Variants in DPF1 observed in about 807,000 individuals in gnomAD.
DPF1 encodes the protein double PHD fingers 1, also known as zinc finger protein neuro-d4.
DPF1 carries 14 observed loss-of-function variants against 58.7 expected under a neutral mutation model. That is an observed-to-expected ratio of 0.24 (90% CI 0.16 to 0.37). The LOEUF (loss-of-function observed/expected upper bound fraction) is 0.37, where lower values mean the gene tolerates loss of function less well. Ranked by LOEUF, DPF1 falls within the 10% of genes least tolerant of loss-of-function variation. DPF1 has a pLI of 1.00. For missense variants in DPF1, 345 were observed against 529.9 expected (o/e 0.65, Z 3.43); for synonymous variants, 216 against 216.0 (o/e 1.00, Z 0.00).
upstream of DPF1, among the ~76,000 whole-genome samples, chr19:38,224,478 T>C (rs1967730671): frequency 6.6e-6 from 1 of 152,028 alleles, no homozygotes; most frequent in Non-Finnish European, 1.5e-5. The surrounding 1 kb of genome is among the most constrained non-coding windows in gnomAD (Gnocchi z 4.5). Flanking sequence ...CATGGCAGTT[T>C]ACACACACAT....
upstream of DPF1, among the ~76,000 whole-genome samples, chr19:38,226,991 T>TCC: frequency 7.4e-6 from 1 of 135,962 alleles, no homozygotes; most frequent in South Asian, 2.4e-4. Flanking sequence ...TTCTTTTATT[T>TCC]CTCTTCCTTC....
chr19:38,223,948 T>C, intron 1 of DPF1, 166 bp downstream of exon 1: 2 of 938,600 alleles, frequency 2.1e-6, no homozygotes, highest in Non-Finnish European at 2.8e-6. Flanking sequence ...TCCGACACCA[T>C]TCTTGTCAGA....
At chr19:38,214,055 C>T (rs1339165731) in intron 9 of DPF1, 2 of 337,026 alleles carry the variant, frequency 5.9e-6, no homozygotes, top group Non-Finnish European at 1.1e-5. Flanking sequence ...ACCCACAACA[C>T]CGTGGCAACC....
chr19:38,218,483 G>C, intron 5 of DPF1, 90 bp downstream of exon 5: 1 of 1,372,942 alleles, frequency 7.3e-7, no homozygotes, highest in South Asian at 1.2e-5. Flanking sequence ...ACTGAGGTCA[G>C]ACTGTGGCAG....
upstream of DPF1, among the ~76,000 whole-genome samples, chr19:38,225,889 CAAAAA>C (rs35172798): frequency 7.8e-6 from 1 of 128,514 alleles, no homozygotes; most frequent in Non-Finnish European, 1.6e-5. Context: ...ACCCTGTCTC[CAAAAA>C]AAAAAAAAAA....
At chr19:38,221,464 C>T (rs940605518) in intron 3 of DPF1, among the ~76,000 whole-genome samples, 1 of 151,810 alleles carries the variant, frequency 6.6e-6, no homozygotes, top group South Asian at 2.1e-4. Context: ...CGCTTGAACC[C>T]ACTAGGCGGA....
chr19:38,226,492 A>G (rs1967824918), upstream of DPF1, among the ~76,000 whole-genome samples: 1 of 130,904 alleles, frequency 7.6e-6, no homozygotes, highest in African/African-American at 3.1e-5. Flanking sequence ...TCCTACACTC[A>G]CGGTCACTTC....
chr19:38,229,529 A>G lies in DPF1; in HGVS notation c.-132+30T>C. 1 of 930,020 alleles carries G rather than the reference A, an allele frequency of 1.1e-6. No homozygotes were observed. The highest frequency in any genetic ancestry group is 1.3e-6 in the Non-Finnish European group (1 of 771,770). The allele number at this position is 930,020 out of a possible 1,614,324, so 57.6% of individuals were successfully genotyped here. ...AAGGGCTCCTGGTGGGGGGGTCTGG[A>G]CAGGGGGCGGGGACGGCAGGGACAC... On this transcript the variant is annotated intron_variant, in intron 1 of 11. Coordinates refer to the DPF1 transcript ENST00000412732. The surrounding 1 kb of genome is among the most constrained non-coding windows in gnomAD (Gnocchi z 5.3).
At chr19:38,215,149 T>TA (rs1038770707) in intron 9 of DPF1, among the ~76,000 whole-genome samples, 1 of 151,482 alleles carries the variant, frequency 6.6e-6, no homozygotes, top group African/African-American at 2.4e-5. Context: ...ATTTTTTTTT[T>TA]AATAGATGGG....
chr19:38,227,733 A>C (rs1034592181), upstream of DPF1, among the ~76,000 whole-genome samples: 3 of 152,286 alleles, frequency 2.0e-5, no homozygotes, highest in Admixed American at 2.0e-4. Flanking sequence ...CAGATGGCAA[A>C]ACTGAGGCTC....
intron 5 of DPF1, 76 bp downstream of exon 5, chr19:38,218,497 C>A: frequency 6.8e-7 from 1 of 1,468,074 alleles, no homozygotes; most frequent in South Asian, 1.1e-5. Context: ...GTGGCAGGGG[C>A]GGACCACTGC....
At position 38,217,893 on chromosome 19, in the gene DPF1, G is replaced by A. The variant is rs1383270016; in HGVS notation, c.517-17C>T. On this transcript the variant is annotated splice_polypyrimidine_tract_variant and intron_variant, in intron 5 of 11. Coordinates refer to ENST00000355526, the MANE Select transcript of DPF1 (RefSeq NM_001135155.3). ...GCCATATGCCTGTGGGGAGAGTCAGGAGTGAGGGGCCAAGAAAGTGAGAAA... is the reference window on the plus strand; with the variant it reads ...GCCATATGCCTGTGGGGAGAGTCAGAAGTGAGGGGCCAAGAAAGTGAGAAA... The A allele has an allele frequency of 6.2e-7, 1 of 1,613,888 alleles. No homozygotes were observed. The highest frequency in any genetic ancestry group is 1.1e-5 in the South Asian group (1 of 91,060).
chr19:38,216,417 G>C lies in DPF1; in HGVS notation c.728-14C>G. The C allele has an allele frequency of 5.7e-6, 9 of 1,570,798 alleles. No homozygotes were observed. The highest frequency in any genetic ancestry group is 6.9e-6 in the Non-Finnish European group (8 of 1,158,594). ...CTTTGTAAAACTCTGGGGTAGGGGG[G>C]ACAGAGAGAGGGACTCTCACCACAG... On this transcript the variant is annotated splice_polypyrimidine_tract_variant and intron_variant, in intron 7 of 11. Coordinates refer to ENST00000355526, the MANE Select transcript of DPF1 (RefSeq NM_001135155.3).
At chr19:38,226,983 CTTT>C (rs1388669203), upstream of DPF1, among the ~76,000 whole-genome samples, 1 of 63,858 alleles carries the variant, frequency 1.6e-5, no homozygotes, top group Non-Finnish European at 3.0e-5. Context: ...TTCTTTTCTT[CTTT>C]TATTTCTCTT....
intron 1 of DPF1, chr19:38,223,836 T>C: frequency 3.0e-6 from 1 of 330,374 alleles, no homozygotes; most frequent in Non-Finnish European, 5.4e-6. Context: ...GTCATTTCAG[T>C]CTCTCCCAGA....
Position 38,222,672 on chromosome 19 carries a change from G to A in DPF1, c.66C>T (p.His22=). The part of the protein sequence containing the change: ...GEDFYREAIE[H]CRSYNARLCA... ...ACAGGCGCGCGTTGTAACTGCGGCA[G>A]TGCTCGATGGCCTCGCGGTAGAAGT... is the stretch of plus-strand genomic sequence containing the variant. Residue 22 remains histidine, a synonymous_variant, in exon 2 of 12, where the codon CAC becomes CAT. Coordinates refer to ENST00000355526, the MANE Select transcript of DPF1 (RefSeq NM_001135155.3). This position sits in a 1 kb window ranked among gnomAD's most constrained non-coding sequence, Gnocchi z 4.9. 2 of 1,606,062 alleles carry A rather than the reference G, an allele frequency of 1.2e-6. No homozygotes were observed. The highest frequency in any genetic ancestry group is 1.7e-6 in the Non-Finnish European group (2 of 1,177,072).
rs1438700317 is a variant in DPF1, at chr19:38,222,397, G to C, written c.258C>G (p.Ile86Met). 2 of 1,589,166 alleles carry C rather than the reference G, an allele frequency of 1.3e-6. No homozygotes were observed. The highest frequency in any genetic ancestry group is 2.8e-5 in the African/African-American group (2 of 71,894). Reference protein sequence around the residue: ...RCWRKKRRLNILEDPRLRPCE... With the variant: ...RCWRKKRRLNMLEDPRLRPCE... ...AGGGCCTGAGTCTGGGGTCCTCCAG[G>C]ATGTTGAGTCTCCGTTTCTTCCTCC... The change falls in exon 3 of 12, where the codon ATC becomes ATG. Residue 86 changes from isoleucine to methionine, a missense_variant. Ile to Met is a conservative substitution (Grantham distance 10). Coordinates refer to ENST00000355526, the MANE Select transcript of DPF1 (RefSeq NM_001135155.3). This position sits in a 1 kb window ranked among gnomAD's most constrained non-coding sequence, Gnocchi z 4.9.
In DPF1 at chr19:38,217,545, G is replaced by A. The variant is rs956854755; in HGVS notation, c.642C>T (p.Tyr214=). ...YKNRPGLSYH[Y]THTHLAEEEG... ...CCTCCTCGGCCAGGTGGGTGTGGGT[G>A]TAGTGGTAGCTGAGCCCCGGCCGGT... Residue 214 remains tyrosine, a synonymous_variant, in exon 7 of 12, where the codon TAC becomes TAT. Coordinates refer to ENST00000355526, the MANE Select transcript of DPF1 (RefSeq NM_001135155.3). 7 of 1,551,580 alleles carry A rather than the reference G, an allele frequency of 4.5e-6. No homozygotes were observed. Among genetic ancestry groups the A allele is most frequent in the Non-Finnish European group, 6.1e-6 (7 of 1,146,950 alleles).
At chr19:38,226,036 C>G (rs1405784053), upstream of DPF1, among the ~76,000 whole-genome samples, 1 of 152,138 alleles carries the variant, frequency 6.6e-6, no homozygotes, top group Non-Finnish European at 1.5e-5. Context: ...GGTAACCTCA[C>G]ATGCCCGCAT....
Sources: allele counts gnomAD v4.1 joint callset (sites outside exome capture counted in the v4.1 genomes callset), GRCh38; gene constraint gnomAD v4.1.1; non-coding constraint Gnocchi (gnomAD v3.1); transcripts MANE v1.5; gene names NCBI Gene and HGNC (gene_info 2026-07-23, HGNC 2026-07-21).